Variants in CHAT observed in about 807,000 individuals in gnomAD.
The protein encoded by CHAT is acetyl CoA:choline O-acetyltransferase.
In CHAT, 61 loss-of-function variants were observed where a neutral mutation model predicts 76.9. That is an observed-to-expected ratio of 0.79 (90% confidence interval 0.65 to 0.98). The LOEUF (loss-of-function observed/expected upper bound fraction) is 0.98. Ranked by LOEUF, CHAT falls within the 50% of genes least tolerant of loss-of-function variation. CHAT has a pLI of 0.00. For missense variants in CHAT, 946 were observed against 986.9 expected (o/e 0.96, Z 0.56); for synonymous variants, 407 against 397.4 (o/e 1.02, Z -0.29).
intron 7 of CHAT, among the ~76,000 whole-genome samples, chr10:49,633,069 G>A (rs1430615625): frequency 1.3e-5 from 2 of 152,246 alleles, no homozygotes; most frequent in Non-Finnish European, 2.9e-5. Flanking sequence ...CTGAGGGGCT[G>A]GGAGGCCACG....
intron 14 of CHAT, among the ~76,000 whole-genome samples, chr10:49,664,433 G>A (rs980321296): frequency 6.6e-6 from 1 of 152,096 alleles, no homozygotes; most frequent in African/African-American, 2.4e-5. Context: ...GCCACCAGGG[G>A]ACCATTTAGT....
chr10:49,636,020 A>G (rs1364171729), intron 7 of CHAT, among the ~76,000 whole-genome samples: 1 of 152,212 alleles, frequency 6.6e-6, no homozygotes, highest in African/African-American at 2.4e-5. Context: ...TATGTAGAAA[A>G]TAGTAGCAAA....
In CHAT at chr10:49,629,533, T is replaced by C. The variant is rs137903408; in HGVS notation, c.1111+1748T>C. Among the ~76,000 whole-genome samples, 90 of 152,326 alleles carry C rather than the reference T, an allele frequency of 5.9e-4. 1 individual carries two copies. In the East Asian group the frequency reaches 0.017, roughly 28 times the overall value. ...TCAGGGACAGAGACAGGCATCAAAATAATCGCCTCTGCCTCCAGCATAGTT... is the reference window on the plus strand; with the variant it reads ...TCAGGGACAGAGACAGGCATCAAAACAATCGCCTCTGCCTCCAGCATAGTT... On this transcript the variant is annotated intron_variant, in intron 7 of 14. Transcript: ENST00000337653.
intron 6 of CHAT, among the ~76,000 whole-genome samples, chr10:49,626,059 C>T (rs563940130): frequency 6.6e-6 from 1 of 152,344 alleles, no homozygotes; most frequent in East Asian, 1.9e-4. Context: ...ACTTAACATG[C>T]ATTCATCCCA....
At chr10:49,647,935 C>G (rs966453458) in intron 8 of CHAT, 1 of 175,288 alleles carries the variant, frequency 5.7e-6, no homozygotes, top group African/African-American at 2.4e-5. Flanking sequence ...ATCAGGCGAA[C>G]CAGAGAAGCC....
intron 10 of CHAT, 56 bp from the exon 11 acceptor site, chr10:49,651,828 G>T: frequency 6.4e-7 from 1 of 1,559,588 alleles, no homozygotes. Flanking sequence ...GGAAACCCCA[G>T]ATGCATGCAT....
At position 49,631,065 on chromosome 10, in the gene CHAT, G is replaced by A. The variant is rs1397590794; in HGVS notation, c.1111+3280G>A. 2.0e-5 allele frequency among the ~76,000 whole-genome samples: 3 copies of A among 152,216 alleles called. No individual in the cohort carries two copies. In the East Asian group the frequency reaches 5.8e-4, roughly 29 times the overall value. On this transcript the variant is annotated intron_variant, in intron 7 of 14. Transcript: ENST00000337653. ...TTGTTATGTGATCTTCCCCACCAACGCTCAGCTCCTCAGGTTCAGCCAGAG... is the reference window on the plus strand; with the variant it reads ...TTGTTATGTGATCTTCCCCACCAACACTCAGCTCCTCAGGTTCAGCCAGAG...
chr10:49,625,723 CT>C, intron 6 of CHAT, 70 bp downstream of exon 6: 1 of 1,469,206 alleles, frequency 6.8e-7, no homozygotes. Flanking sequence ...CGTCCATTAC[CT>C]TCTCCGAGGG....
chr10:49,647,148 C>A (rs1273011234), intron 8 of CHAT: 1 of 197,812 alleles, frequency 5.1e-6, no homozygotes, highest in Non-Finnish European at 1.1e-5. Flanking sequence ...TTTCAACATA[C>A]CTCCCTCAAT....
intron 10 of CHAT, among the ~76,000 whole-genome samples, chr10:49,651,501 A>G (rs1839876501): frequency 1.3e-5 from 2 of 152,238 alleles, no homozygotes; most frequent in South Asian, 4.1e-4. Flanking sequence ...AGTGCTCCAG[A>G]GTCTCAGTGC....
At chr10:49,609,460 G>A (rs532600264), upstream of CHAT, among the ~76,000 whole-genome samples, 2 of 152,076 alleles carry the variant, frequency 1.3e-5, no homozygotes, top group Admixed American at 1.3e-4. Context: ...AGTGGGGAGG[G>A]GGTGCGGCGG....
At chr10:49,655,721 TA>T (rs2132832918) in intron 13 of CHAT, among the ~76,000 whole-genome samples, 1 of 152,308 alleles carries the variant, frequency 6.6e-6, no homozygotes, top group Non-Finnish European at 1.5e-5. Flanking sequence ...TAGCACCTAA[TA>T]TGTATAGCAT....
intron 10 of CHAT, among the ~76,000 whole-genome samples, chr10:49,650,075 C>T (rs951424797): frequency 1.3e-5 from 2 of 152,094 alleles, no homozygotes; most frequent in African/African-American, 2.4e-5. Flanking sequence ...CAGGCCCTAA[C>T]GGGACCCAGG....
At chr10:49,610,685 G>A, upstream of CHAT, 3 of 1,440,492 alleles carry the variant, frequency 2.1e-6, no homozygotes, top group Admixed American at 2.8e-5. Context: ...TGCACTGCGG[G>A]ACGCCAGCGC....
At chr10:49,611,982 C>T, upstream of CHAT, 1 of 1,613,686 alleles carries the variant, frequency 6.2e-7, no homozygotes, top group Non-Finnish European at 8.5e-7. Context: ...TGCGCCATGT[C>T]TCAGTCTATG....
chr10:49,642,004 G>A (rs116112180), intron 7 of CHAT, among the ~76,000 whole-genome samples: 4,135 of 152,172 alleles, frequency 0.027, 53 homozygotes, highest in Middle Eastern at 0.034. Flanking sequence ...AGGGCTCCCC[G>A]AGGCCTCCTG....
chr10:49,633,931 G>C (rs1590588110), intron 7 of CHAT, among the ~76,000 whole-genome samples: 1 of 152,216 alleles, frequency 6.6e-6, no homozygotes, highest in African/African-American at 2.4e-5. Flanking sequence ...CCATGGTCAT[G>C]GTTTACAAGA....
At chr10:49,614,640 C>A (rs1838415994) in intron 1 of CHAT, among the ~76,000 whole-genome samples, 165 bp downstream of exon 1, 3 of 152,226 alleles carry the variant, frequency 2.0e-5, no homozygotes, top group Admixed American at 6.5e-5. Flanking sequence ...TAGGAAGCTG[C>A]AGGATTGCGT....
Position 49,662,614 on chromosome 10 carries a change from C to T in CHAT, c.1840-31C>T, listed in dbSNP as rs780384681. 3 of 1,613,542 alleles carry T rather than the reference C, an allele frequency of 1.9e-6. No individual in the cohort carries two copies. In the East Asian group the frequency reaches 6.7e-5, roughly 36 times the overall value. ...AAGGAGGTGCAGGAGGCCCACTTCTCATCTCCTGTTCTTTGTCCCCAACTA... is the reference window on the plus strand; with the variant it reads ...AAGGAGGTGCAGGAGGCCCACTTCTTATCTCCTGTTCTTTGTCCCCAACTA... On this transcript the variant is annotated intron_variant, in intron 13 of 14. Transcript: ENST00000337653.
Sources: allele counts gnomAD v4.1 joint callset (sites outside exome capture counted in the v4.1 genomes callset), GRCh38; gene constraint gnomAD v4.1.1; transcripts MANE v1.5; gene names NCBI Gene and HGNC (gene_info 2026-07-23, HGNC 2026-07-21).